SAG: variants seen among roughly 807,000 people sequenced by gnomAD.
The protein encoded by SAG is S-antigen visual arrestin.
Under a neutral mutation model 55.0 loss-of-function variants are expected in SAG, and 45 were observed. The observed-to-expected ratio is 0.82, with a 90% CI of 0.64 to 1.05. The LOEUF (loss-of-function observed/expected upper bound fraction) is 1.05, where lower values mean the gene tolerates loss of function less well. Ranked by LOEUF, SAG falls within the 50% of genes least tolerant of loss-of-function variation. The pLI is 0.00. For missense variants in SAG, 455 were observed against 512.1 expected, an observed-to-expected ratio of 0.89 and a Z score of 1.08; for synonymous variants, 189 against 197.4, an observed-to-expected ratio of 0.96 and a Z score of 0.36.
At position 233,329,534 on chromosome 2, in the gene SAG, C is replaced by A; in HGVS notation, c.690C>A (p.Val230=). The change falls in exon 9 of 16, where the codon GTC becomes GTA. Residue 230 remains valine, a synonymous_variant. Coordinates refer to ENST00000409110, the MANE Select transcript of SAG (RefSeq NM_000541.5). ...HGEPIPVTVT[V]TNNTEKTVKK... ...AGCCCATCCCTGTGACCGTGACTGT[C>A]ACCAATAACACAGAGAAGACCGTGA... 1 of 1,613,500 alleles carries A rather than the reference C, an allele frequency of 6.2e-7. No individual in the cohort carries two copies. The highest frequency in any genetic ancestry group is 8.5e-7 in the Non-Finnish European group (1 of 1,179,442).
intron 10 of SAG, 162 bp from the exon 11 acceptor site, chr2:233,334,800 G>A (rs1700869947): frequency 1.4e-6 from 1 of 728,566 alleles, no homozygotes; most frequent in Non-Finnish European, 2.3e-6. Flanking sequence ...CACAAGCACT[G>A]TTCTGCTTCT....
At chr2:233,317,664 A>G (rs1408291537) in intron 3 of SAG, among the ~76,000 whole-genome samples, 1 of 152,246 alleles carries the variant, frequency 6.6e-6, no homozygotes, top group Admixed American at 6.5e-5. Flanking sequence ...TGTTCATCAC[A>G]ATATTAATTA....
intron 11 of SAG, among the ~76,000 whole-genome samples, chr2:233,336,255 C>A (rs1213189420): frequency 6.6e-6 from 1 of 152,182 alleles, no homozygotes; most frequent in Non-Finnish European, 1.5e-5. Flanking sequence ...TGGCTCACAC[C>A]TGTAATCCCA....
intron 12 of SAG, chr2:233,338,957 G>A (rs1701019556): frequency 4.4e-6 from 3 of 675,132 alleles, no homozygotes; most frequent in South Asian, 1.5e-5. Flanking sequence ...AAAGGGTGGA[G>A]AAGCAGACTC....
At chr2:233,326,796 T>C (rs377594347) in intron 6 of SAG, among the ~76,000 whole-genome samples, 10 of 152,142 alleles carry the variant, frequency 6.6e-5, no homozygotes, top group East Asian at 3.9e-4. Flanking sequence ...GGGATCACAG[T>C]TGGGGACACC....
chr2:233,316,265 G>A, intron 3 of SAG, 130 bp downstream of exon 3: 1 of 497,958 alleles, frequency 2.0e-6, no homozygotes. Flanking sequence ...CATCAGTGAG[G>A]CGCCACTGGC....
chr2:233,321,332 C>A (rs946878772), intron 5 of SAG, among the ~76,000 whole-genome samples: 1 of 152,122 alleles, frequency 6.6e-6, no homozygotes, highest in Admixed American at 6.5e-5. Context: ...AAGTCTTGGG[C>A]GTGAGCTCAA....
At chr2:233,314,891 G>A (rs1447857002) in intron 2 of SAG, among the ~76,000 whole-genome samples, 1 of 152,164 alleles carries the variant, frequency 6.6e-6, no homozygotes, top group Non-Finnish European at 1.5e-5. Context: ...TTCATTCGAA[G>A]AAGGGGGCCA....
chr2:233,316,190 C>T lies in SAG; in HGVS notation c.136+55C>T, dbSNP rs767640133. The T allele has an allele frequency of 9.4e-5, 96 of 1,026,472 alleles. No homozygotes were observed. In the East Asian group the frequency reaches 1.1e-3, roughly 12 times the overall value. The allele number at this position is 1,026,472 out of a possible 1,614,324, so 63.6% of individuals were successfully genotyped here. On this transcript the variant is annotated intron_variant, in intron 3 of 15. Transcript: ENST00000409110. ...GGTTTTCCTTTAAGTCACAGATAAC[C>T]GCTCACTTTGTGTTTTTAAAAACTG...
chr2:233,325,180 G>C (rs1363773810), intron 6 of SAG, among the ~76,000 whole-genome samples: 1 of 150,074 alleles, frequency 6.7e-6, no homozygotes. Flanking sequence ...TTCCAGCCTG[G>C]GCATTAGAGC....
In SAG at chr2:233,340,336, T is replaced by G. The variant is rs1371862453; in HGVS notation, c.1023-119T>G. 9.3e-6 allele frequency: 7 copies of G among 753,010 alleles called. No homozygotes were observed. The highest frequency in any genetic ancestry group is 1.6e-5 in the Non-Finnish European group (7 of 428,658). The allele number at this position is 753,010 out of a possible 1,614,324, so 46.6% of individuals were successfully genotyped here. On this transcript the variant is annotated intron_variant, in intron 12 of 15. Transcript: ENST00000409110. This position sits in a 1 kb window ranked among gnomAD's most constrained non-coding sequence, Gnocchi z 4.2. ...CATTAAGGGATGGGAAGACCCTGGA[T>G]GTTGTGAGTTCGGGTGCAAGGGCCA...
intron 9 of SAG, among the ~76,000 whole-genome samples, chr2:233,330,287 G>C (rs566202855): frequency 6.6e-6 from 1 of 152,230 alleles, no homozygotes; most frequent in Admixed American, 6.5e-5. Context: ...TATGCATCTT[G>C]GGGTGACTGT....
Position 233,340,420 on chromosome 2 carries a change from A to ACAGTTAACG in SAG, c.1023-34_1023-26dup, listed in dbSNP as rs1243123310. On this transcript the variant is annotated intron_variant, in intron 12 of 15. Coordinates refer to ENST00000409110, the MANE Select transcript of SAG (RefSeq NM_000541.5). The surrounding 1 kb of genome is among the most constrained non-coding windows in gnomAD (Gnocchi z 4.2). ...GGGAAAGGGTCGTGTTACCACTGTG[A>ACAGTTAACG]CAGTTAACGACAGGCGTTTGTTTGT... 4.4e-6 allele frequency: 7 copies of ACAGTTAACG among 1,602,408 alleles called. No individual in the cohort carries two copies. The highest frequency in any genetic ancestry group is 6.0e-6 in the Non-Finnish European group (7 of 1,172,208).
At chr2:233,313,005 G>C (rs1559431743) in intron 2 of SAG, among the ~76,000 whole-genome samples, 1 of 152,162 alleles carries the variant, frequency 6.6e-6, no homozygotes. Context: ...CAGCTGCTGG[G>C]GCCTCTGTAA....
At chr2:233,338,931 T>C in intron 12 of SAG, 178 bp downstream of exon 12, 1 of 701,962 alleles carries the variant, frequency 1.4e-6, no homozygotes, top group South Asian at 1.5e-5. Context: ...TTCTGTCTGA[T>C]AAAATGTCAG....
chr2:233,335,296 A>G (rs1020285486), intron 11 of SAG, among the ~76,000 whole-genome samples, 197 bp downstream of exon 11: 16 of 152,258 alleles, frequency 1.1e-4, no homozygotes, highest in Non-Finnish European at 1.6e-4. Context: ...GGTTACACCC[A>G]TGGGCCTTGG....
chr2:233,335,202 C>A, intron 11 of SAG, 103 bp downstream of exon 11: 2 of 1,426,070 alleles, frequency 1.4e-6, no homozygotes, highest in Non-Finnish European at 1.9e-6. Context: ...GCACGTGCAG[C>A]ATGGTGGTCT....
chr2:233,311,731 A>G (rs2125320139), intron 2 of SAG, among the ~76,000 whole-genome samples: 1 of 152,246 alleles, frequency 6.6e-6, no homozygotes, highest in South Asian at 2.1e-4. Context: ...ACCACCTCTT[A>G]CACCCTGGGT....
intron 11 of SAG, among the ~76,000 whole-genome samples, chr2:233,336,869 G>A (rs1700947883): frequency 6.6e-6 from 1 of 152,130 alleles, no homozygotes; most frequent in African/African-American, 2.4e-5. Flanking sequence ...GCCAGAGTGG[G>A]CGAATCGCTT....
Sources: allele counts gnomAD v4.1 joint callset (sites outside exome capture counted in the v4.1 genomes callset), GRCh38; gene constraint gnomAD v4.1.1; non-coding constraint Gnocchi (gnomAD v3.1); transcripts MANE v1.5; gene names NCBI Gene and HGNC (gene_info 2026-07-23, HGNC 2026-07-21).